ERBB4: variants seen among roughly 807,000 people sequenced by gnomAD.
ERBB4 encodes the protein receptor tyrosine-protein kinase erbB-4.
In ERBB4, 42 loss-of-function variants were observed where a neutral mutation model predicts 158.0. The observed-to-expected ratio is 0.27, with a 90% CI of 0.21 to 0.34. The LOEUF (loss-of-function observed/expected upper bound fraction) is 0.34, where lower values mean the gene tolerates loss of function less well. ERBB4 is among the 10% of genes least tolerant of loss of function. The probability of loss-of-function intolerance (pLI) is 1.00; values close to 1 mark genes in which losing one functional copy is unlikely to be tolerated. For synonymous variants in ERBB4, 583 were observed against 558.7 expected (o/e 1.04, Z -0.61); for missense variants, 1,333 against 1,624.1 (o/e 0.82, Z 3.08).
At chr2:212,374,962 A>G (rs1574800673) in intron 1 of ERBB4, among the ~76,000 whole-genome samples, 1 of 152,038 alleles carries the variant, frequency 6.6e-6, no homozygotes, top group Non-Finnish European at 1.5e-5. Context: ...TTCCAGATTA[A>G]TAAATACATG....
At chr2:212,407,195 A>ATATG (rs1288632443) in intron 1 of ERBB4, among the ~76,000 whole-genome samples, 4 of 151,492 alleles carry the variant, frequency 2.6e-5, no homozygotes, top group Admixed American at 6.6e-5. Context: ...ATAAATACAT[A>ATATG]TATGTATGTA....
chr2:211,558,678 C>T (rs1017082522), intron 20 of ERBB4, among the ~76,000 whole-genome samples: 1 of 151,924 alleles, frequency 6.6e-6, no homozygotes, highest in African/African-American at 2.4e-5. Flanking sequence ...AACACAAACT[C>T]ACAAAACTGA....
At chr2:212,101,602 C>T (rs1018186752) in intron 2 of ERBB4, among the ~76,000 whole-genome samples, 2 of 151,534 alleles carry the variant, frequency 1.3e-5, no homozygotes, top group African/African-American at 4.8e-5. Flanking sequence ...TTGAAAAACA[C>T]AAAAAGTTGA....
At chr2:211,715,900 G>GA (rs758923499) in intron 7 of ERBB4, among the ~76,000 whole-genome samples, 3 of 152,086 alleles carry the variant, frequency 2.0e-5, no homozygotes, top group Non-Finnish European at 4.4e-5. Context: ...TGGGAAATGC[G>GA]TTACAATGAA....
At chr2:212,489,929 G>GT (rs1352476487) in intron 1 of ERBB4, among the ~76,000 whole-genome samples, 2 of 151,620 alleles carry the variant, frequency 1.3e-5, no homozygotes, top group East Asian at 3.9e-4. Context: ...CTAAAATCTC[G>GT]AGTTGTCTTT....
At chr2:211,555,505 C>A (rs1273045733) in intron 20 of ERBB4, among the ~76,000 whole-genome samples, 3 of 152,118 alleles carry the variant, frequency 2.0e-5, no homozygotes, top group Non-Finnish European at 2.9e-5. Flanking sequence ...TTTTCTATCA[C>A]ATAAAATGTC....
intron 20 of ERBB4, among the ~76,000 whole-genome samples, chr2:211,474,847 A>C (rs2125534582): frequency 6.6e-6 from 1 of 152,102 alleles, no homozygotes; most frequent in East Asian, 1.9e-4. Context: ...ACATGGATGG[A>C]AGAAGAGTTG....
intron 3 of ERBB4, among the ~76,000 whole-genome samples, chr2:211,917,818 G>A (rs1485294956): frequency 1.3e-5 from 2 of 152,160 alleles, no homozygotes; most frequent in Admixed American, 1.3e-4. Flanking sequence ...AGCATTCACT[G>A]AAGGGTTTTG....
intron 2 of ERBB4, among the ~76,000 whole-genome samples, chr2:212,055,393 A>G (rs1336100774): frequency 6.6e-6 from 1 of 152,024 alleles, no homozygotes; most frequent in Admixed American, 6.6e-5. Flanking sequence ...CAAAAGGCAG[A>G]CTTAAATGTC....
intron 16 of ERBB4, among the ~76,000 whole-genome samples, chr2:211,633,411 T>C (rs575909016): frequency 3.0e-4 from 45 of 151,534 alleles, no homozygotes; most frequent in African/African-American, 1.0e-3. Context: ...TATAAAATAA[T>C]ATACTAAATA....
At chr2:211,556,945 G>C (rs1345479892) in intron 20 of ERBB4, among the ~76,000 whole-genome samples, 1 of 152,066 alleles carries the variant, frequency 6.6e-6, no homozygotes, top group Admixed American at 6.6e-5. Context: ...AAAGAACCCA[G>C]AAATAAGGCT....
chr2:212,104,379 A>G (rs1006130326), intron 2 of ERBB4, among the ~76,000 whole-genome samples: 5 of 152,130 alleles, frequency 3.3e-5, no homozygotes, highest in African/African-American at 4.8e-5. Context: ...AATACAGTTT[A>G]TCTGTATTAT....
At chr2:212,518,869 G>C (rs924321261) in intron 1 of ERBB4, among the ~76,000 whole-genome samples, 6 of 151,968 alleles carry the variant, frequency 3.9e-5, no homozygotes, top group African/African-American at 1.4e-4. Context: ...GTAAATGTCA[G>C]GTCTGGGGAC....
At position 211,673,250 on chromosome 2, in the gene ERBB4, G is replaced by A. The variant is rs267599192; in HGVS notation, c.1630C>T (p.Arg544Trp). 3 of 1,612,678 alleles carry A rather than the reference G, an allele frequency of 1.9e-6. No homozygotes were observed. The highest frequency in any genetic ancestry group is 2.5e-6 in the Non-Finnish European group (3 of 1,178,906). The change falls in exon 14 of 28, where the codon CGG becomes TGG. Residue 544 changes from arginine (R) to tryptophan (W), a missense_variant. Physicochemically the swap from Arg to Trp is moderately radical, Grantham distance 101 (BLOSUM62 -3). This residue lies in a region of ERBB4 where 245 missense variants were observed against 247.5 expected (regional missense o/e 0.99). Coordinates refer to ENST00000342788, the MANE Select transcript of ERBB4 (RefSeq NM_005235.3). ...ESCNLYDGEF[R>W]EFENGSICVE... ...CAGATGGAGCCATTCTCAAACTCCC[G>A]AAATTCACTGTGAAAACATCAGCCA...
intron 14 of ERBB4, 27 bp downstream of exon 14, chr2:211,673,137 A>G (rs1410014632): frequency 6.7e-6 from 10 of 1,503,598 alleles, no homozygotes; most frequent in Non-Finnish European, 9.3e-6. Context: ...AAATAAGCCA[A>G]CACACCACAG....
rs149469826 is a variant in ERBB4 at position 211,487,780 on chromosome 2, C to T, written c.2488-56680G>A. ...ATGCTATTACTGTAAATTTCACTGA[C>T]AGTAAAGGGCTGCGGGGGTTATGGA... On this transcript the variant is annotated intron_variant, in intron 20 of 27. Coordinates refer to ENST00000342788, the MANE Select transcript of ERBB4 (RefSeq NM_005235.3). Among the ~76,000 whole-genome samples the T allele has an allele frequency of 9.2e-5, 14 of 151,996 alleles. 1 individual carries two copies. Among genetic ancestry groups the T allele is most frequent in the Non-Finnish European group, 1.8e-4 (12 of 68,014 alleles).
At chr2:212,197,638 A>C (rs1659856226) in intron 1 of ERBB4, among the ~76,000 whole-genome samples, 1 of 152,186 alleles carries the variant, frequency 6.6e-6, no homozygotes, top group Non-Finnish European at 1.5e-5. Flanking sequence ...ATAGTGTCAC[A>C]AATGCCACTG....
At chr2:212,434,577 C>T (rs555623600) in intron 1 of ERBB4, among the ~76,000 whole-genome samples, 30 of 151,958 alleles carry the variant, frequency 2.0e-4, no homozygotes, top group South Asian at 1.0e-3. Context: ...TCCACAGAGT[C>T]AAGAGATACC....
chr2:212,503,986 T>A (rs1419662896), intron 1 of ERBB4, among the ~76,000 whole-genome samples: 1 of 152,242 alleles, frequency 6.6e-6, no homozygotes, highest in Non-Finnish European at 1.5e-5. Flanking sequence ...ATCTATATGT[T>A]TGTAGACACC....
Sources: gnomAD v4.1 joint callset for allele counts (sites outside exome capture counted in the v4.1 genomes callset) on GRCh38, gnomAD v4.1.1 for gene constraint, gnomAD v4.1.1 regional missense constraint, MANE v1.5 for transcripts, NCBI Gene and HGNC (gene_info 2026-07-23, HGNC 2026-07-21) for gene names.